Variants in GABRG3 observed in about 807,000 individuals in gnomAD.
GABRG3 encodes gamma-aminobutyric acid type A receptor subunit gamma3.
Under a neutral mutation model 48.8 loss-of-function variants are expected in GABRG3, and 25 were observed. That is an observed-to-expected ratio of 0.51 (90% CI 0.37 to 0.72). The LOEUF is 0.72. Among genes scored for constraint, GABRG3 ranks in the 30% least tolerant of loss-of-function variants. The pLI is 0.00. For synonymous variants in GABRG3, 227 were observed against 217.6 expected (o/e 1.04, Z -0.38); for missense variants, 394 against 577.9 (o/e 0.68, Z 3.26).
At chr15:27,453,990 C>T (rs566122955) in intron 5 of GABRG3, among the ~76,000 whole-genome samples, 7 of 152,270 alleles carry the variant, frequency 4.6e-5, no homozygotes, top group Admixed American at 1.3e-4. Context: ...TGCTTCCCTC[C>T]GTGGTCCTGT....
intron 2 of GABRG3, among the ~76,000 whole-genome samples, chr15:27,021,696 A>T (rs1895899034): frequency 6.6e-6 from 1 of 152,126 alleles, no homozygotes; most frequent in African/African-American, 2.4e-5. Context: ...TTAAAAAATT[A>T]GCCTGATATG....
At chr15:26,978,361 G>A (rs1034063725) in intron 2 of GABRG3, among the ~76,000 whole-genome samples, 2 of 151,242 alleles carry the variant, frequency 1.3e-5, no homozygotes, top group Admixed American at 6.6e-5. Flanking sequence ...TTTTTTTTAT[G>A]GAGCATGCTT....
At chr15:27,055,019 T>TG (rs61132248) in intron 3 of GABRG3, among the ~76,000 whole-genome samples, 3 of 151,376 alleles carry the variant, frequency 2.0e-5, no homozygotes, top group East Asian at 1.9e-4. Context: ...TTTTTTTTTT[T>TG]TTTTTTTTAA....
intron 5 of GABRG3, among the ~76,000 whole-genome samples, chr15:27,409,582 C>T (rs1018888841): frequency 8.5e-5 from 13 of 152,116 alleles, no homozygotes; most frequent in African/African-American, 3.1e-4. Context: ...AATTCCTCTA[C>T]CTTTCCATAT....
intron 5 of GABRG3, among the ~76,000 whole-genome samples, chr15:27,370,796 G>GA: frequency 6.6e-6 from 1 of 152,298 alleles, no homozygotes; most frequent in Admixed American, 6.5e-5. Context: ...ATTTAACATA[G>GA]AAAATATCTG....
At chr15:27,109,015 C>T (rs1897498657) in intron 3 of GABRG3, among the ~76,000 whole-genome samples, 1 of 152,040 alleles carries the variant, frequency 6.6e-6, no homozygotes, top group Admixed American at 6.5e-5. Context: ...CTCTTTTTCA[C>T]CTATATTATT....
intron 3 of GABRG3, chr15:27,271,672 C>T (rs940567345): frequency 2.2e-5 from 10 of 453,790 alleles, no homozygotes; most frequent in Admixed American, 2.4e-5. Context: ...CCCTGGGAAC[C>T]GTGTGGGAGC....
At chr15:27,121,594 AC>A (rs1165125617) in intron 3 of GABRG3, among the ~76,000 whole-genome samples, 1 of 152,158 alleles carries the variant, frequency 6.6e-6, no homozygotes, top group Non-Finnish European at 1.5e-5. Context: ...GATGCTGTGC[AC>A]CCCTCTAAAT....
In GABRG3 at chr15:27,397,217, TA is replaced by T. The variant is rs1235183529; in HGVS notation, c.574+68331del. 4.0e-5 allele frequency among the ~76,000 whole-genome samples: 6 copies of T among 151,076 alleles called. No individual in the cohort carries two copies. In the East Asian group the frequency reaches 1.2e-3, roughly 29 times the overall value. ...CGGGGGTGCAAAGAGCTGGCCAGAG[TA>T]ACAATATGCTGACTTGATTTTGTAA... is the stretch of plus-strand genomic sequence containing the variant. On this transcript the variant is annotated intron_variant, in intron 5 of 9. Transcript: ENST00000615808.
chr15:27,421,397 T>A (rs574308021), intron 5 of GABRG3, among the ~76,000 whole-genome samples: 1 of 152,372 alleles, frequency 6.6e-6, no homozygotes, highest in African/African-American at 2.4e-5. Context: ...GAAGCATCCA[T>A]GTAAGTGTGT....
chr15:27,137,226 G>A (rs889591672), intron 3 of GABRG3, among the ~76,000 whole-genome samples: 2 of 152,142 alleles, frequency 1.3e-5, no homozygotes, highest in African/African-American at 4.8e-5. Flanking sequence ...CTCCTCCATA[G>A]CATCTATTGA....
intron 3 of GABRG3, among the ~76,000 whole-genome samples, chr15:27,270,524 G>A (rs1241568413): frequency 2.0e-5 from 3 of 152,282 alleles, no homozygotes; most frequent in Admixed American, 2.0e-4. Flanking sequence ...ACTCATATGT[G>A]GAGTCTGTAC....
chr15:26,978,419 T>G (rs867136675), intron 2 of GABRG3, among the ~76,000 whole-genome samples: 3 of 152,246 alleles, frequency 2.0e-5, no homozygotes, highest in Middle Eastern at 3.4e-3. Context: ...CTCTTGAAAA[T>G]TTTCTCCTTT....
intron 3 of GABRG3, among the ~76,000 whole-genome samples, chr15:27,177,814 A>G (rs1295117648): frequency 6.6e-6 from 1 of 152,210 alleles, no homozygotes; most frequent in East Asian, 1.9e-4. Flanking sequence ...CTATTGCAGT[A>G]AGGGAAAAGA....
chr15:27,447,844 C>A lies in GABRG3; in HGVS notation c.575-32806C>A, dbSNP rs1349171965. ...GGGAGGGGAACATCACACACCAGGG[C>A]CTGTCAGGGGTAAGGGGGCTGGGGG... On this transcript the variant is annotated intron_variant, in intron 5 of 9. Transcript: ENST00000615808. The surrounding 1 kb of genome is among the most constrained non-coding windows in gnomAD (Gnocchi z 4.0). 3.3e-5 allele frequency among the ~76,000 whole-genome samples: 5 copies of A among 151,994 alleles called. No individual in the cohort carries two copies. The East Asian group carries it at 9.7e-4, about 29-fold the overall frequency.
At chr15:27,077,871 G>T (rs1896934695) in intron 3 of GABRG3, among the ~76,000 whole-genome samples, 1 of 152,200 alleles carries the variant, frequency 6.6e-6, no homozygotes. Context: ...GTGGAGGGCA[G>T]TTCTCAGCAT....
intron 6 of GABRG3, among the ~76,000 whole-genome samples, chr15:27,508,571 T>G (rs7495410): frequency 0.08 from 12,178 of 152,280 alleles, 958 homozygotes; most frequent in East Asian, 0.32. Flanking sequence ...TCCAACACTC[T>G]TCATTTCTTT....
chr15:27,204,365 C>A (rs1305293144), intron 3 of GABRG3, among the ~76,000 whole-genome samples: 1 of 151,952 alleles, frequency 6.6e-6, no homozygotes, highest in Non-Finnish European at 1.5e-5. Flanking sequence ...TGTAGGTATG[C>A]AGCTTTATTT....
chr15:27,029,184 A>G (rs1036563298), intron 3 of GABRG3, among the ~76,000 whole-genome samples: 1 of 152,174 alleles, frequency 6.6e-6, no homozygotes, highest in African/African-American at 2.4e-5. Flanking sequence ...TCTCTACCCT[A>G]CTGAAGGGGT....
Sources: allele counts gnomAD v4.1 joint callset (sites outside exome capture counted in the v4.1 genomes callset), GRCh38; gene constraint gnomAD v4.1.1; non-coding constraint Gnocchi (gnomAD v3.1); transcripts MANE v1.5; gene names NCBI Gene and HGNC (gene_info 2026-07-23, HGNC 2026-07-21).